CAMSAP2: variants seen among roughly 807,000 people sequenced by gnomAD.
CAMSAP2 encodes calmodulin regulated spectrin associated protein family member 2.
Under a neutral mutation model 146.1 loss-of-function variants are expected in CAMSAP2, and 26 were observed. The observed-to-expected ratio is 0.18, with a 90% CI of 0.13 to 0.25. The LOEUF is 0.25. Among genes scored for constraint, CAMSAP2 ranks in the 10% least tolerant of loss-of-function variants. CAMSAP2 has a pLI of 1.00. For missense variants in CAMSAP2, 1,381 were observed against 1,759.3 expected (o/e 0.78, Z 3.85); for synonymous variants, 499 against 596.6 (o/e 0.84, Z 2.38).
chr1:200,810,919 G>T (rs1666312933), intron 3 of CAMSAP2, among the ~76,000 whole-genome samples: 1 of 151,988 alleles, frequency 6.6e-6, no homozygotes, highest in Non-Finnish European at 1.5e-5. Context: ...ACTTGCTCTA[G>T]TGTCTTCCAT....
At chr1:200,740,009 G>T in intron 1 of CAMSAP2, 43 bp downstream of exon 1, 1 of 1,601,174 alleles carries the variant, frequency 6.2e-7, no homozygotes, top group Non-Finnish European at 8.5e-7. Context: ...CTCCTGATGT[G>T]GTCCACATCT....
intron 4 of CAMSAP2, among the ~76,000 whole-genome samples, chr1:200,831,634 T>G (rs1667046136): frequency 6.6e-6 from 1 of 151,810 alleles, no homozygotes; most frequent in Non-Finnish European, 1.5e-5. Flanking sequence ...GGAAGGGTTT[T>G]TTTTTTTTTC....
At chr1:200,805,927 T>C (rs1296999622) in intron 2 of CAMSAP2, among the ~76,000 whole-genome samples, 1 of 152,182 alleles carries the variant, frequency 6.6e-6, no homozygotes, top group Non-Finnish European at 1.5e-5. Context: ...TGATGCAATC[T>C]CCGATTTGGA....
rs773302773 is a variant in CAMSAP2, at chr1:200,842,095, A to G, written c.1021+8A>G. 27 of 1,603,762 alleles carry G rather than the reference A, an allele frequency of 1.7e-5. No homozygotes were observed. The highest frequency in any genetic ancestry group is 4.5e-5 in the East Asian group (2 of 44,778). ...TTGTTCGTCCACAAGGAGGTAATCAATCTTTTTAATTTTAAATGTTCCTAT... is the reference window on the plus strand; with the variant it reads ...TTGTTCGTCCACAAGGAGGTAATCAGTCTTTTTAATTTTAAATGTTCCTAT... On this transcript the variant is annotated splice_region_variant and intron_variant, in intron 7 of 16. Transcript: ENST00000358823.
Position 200,847,649 on chromosome 1 carries a change from G to C in CAMSAP2, c.1202G>C (p.Arg401Thr). ...TTTTTTGCATTTGAAGGAGGAATTA[G>C]AAGGTCTTCATCTATGTCTTATGTT... The part of the protein sequence containing the change: ...QAHSSASGGI[R>T]RSSSMSYVDG... The change falls in exon 10 of 17, where the codon AGA becomes ACA. Residue 401 changes from arginine (R) to threonine (T), a missense_variant. This residue lies in a region of CAMSAP2 where 447 missense variants were observed against 462.2 expected (regional missense o/e 0.97). Coordinates refer to ENST00000358823, the MANE Select transcript of CAMSAP2 (RefSeq NM_203459.4). 6.2e-7 allele frequency: 1 copy of C among 1,610,802 alleles called. No homozygotes were observed. The highest frequency in any genetic ancestry group is 8.5e-7 in the Non-Finnish European group (1 of 1,178,786).
chr1:200,795,054 GAGTTGGGATTAAACCTAGGTACTC>G (rs1306904990), intron 2 of CAMSAP2, among the ~76,000 whole-genome samples: 12 of 152,338 alleles, frequency 7.9e-5, no homozygotes, highest in African/African-American at 2.9e-4. Context: ...GTAAGTGGCA[GAGTTGGGATTAAACCTAGGTACTC>G]TGCTTAAATG....
At position 200,760,929 on chromosome 1, in the gene CAMSAP2, C is replaced by T. The variant is rs1390951235; in HGVS notation, c.230C>T (p.Ser77Leu). Residue 77 changes from serine to leucine, a missense_variant, in exon 2 of 17, where the codon TCG (serine) becomes TTG (leucine). Transcript: ENST00000358823. ...IKPPVVNLLLSAELYCRAGSL... is the reference protein window; with the variant it reads ...IKPPVVNLLLLAELYCRAGSL... ...CCACCTGTTGTTAATTTGCTTCTAT[C>T]GGCTGAACTATACTGTCGTGCTGGG... 3 of 1,614,098 alleles carry T rather than the reference C, an allele frequency of 1.9e-6. No homozygotes were observed. The highest frequency in any genetic ancestry group is 2.5e-6 in the Non-Finnish European group (3 of 1,180,010).
chr1:200,777,543 T>C (rs1017197154), intron 2 of CAMSAP2, among the ~76,000 whole-genome samples: 2 of 152,176 alleles, frequency 1.3e-5, no homozygotes, highest in Non-Finnish European at 2.9e-5. Flanking sequence ...AACACTTTTA[T>C]CTCTTTAAGT....
At chr1:200,750,316 G>C (rs1332478559) in intron 1 of CAMSAP2, among the ~76,000 whole-genome samples, 1 of 152,078 alleles carries the variant, frequency 6.6e-6, no homozygotes, top group Non-Finnish European at 1.5e-5. Flanking sequence ...TGACTCCTAG[G>C]TTTCTGACTT....
chr1:200,814,479 G>A (rs569113677), intron 3 of CAMSAP2, among the ~76,000 whole-genome samples: 187 of 151,498 alleles, frequency 1.2e-3, no homozygotes, highest in African/African-American at 4.2e-3. Context: ...GCATGATGGC[G>A]GGCGCCTGTA....
chr1:200,780,685 C>G (rs963756755), intron 2 of CAMSAP2, among the ~76,000 whole-genome samples: 3 of 152,152 alleles, frequency 2.0e-5, no homozygotes, highest in Non-Finnish European at 4.4e-5. Flanking sequence ...TGGGTGACTT[C>G]TAGATACCTG....
At chr1:200,747,986 C>CAAAA (rs901478330) in intron 1 of CAMSAP2, among the ~76,000 whole-genome samples, 117 of 68,782 alleles carry the variant, frequency 1.7e-3, no homozygotes, top group African/African-American at 5.3e-3. Context: ...GACTCCGTCT[C>CAAAA]AAAAAAAAAA....
intron 4 of CAMSAP2, among the ~76,000 whole-genome samples, chr1:200,817,163 C>CAT (rs1372017217): frequency 2.7e-5 from 2 of 75,438 alleles, no homozygotes; most frequent in Non-Finnish European, 4.9e-5. Flanking sequence ...CACATACACA[C>CAT]ACGTGTGTGT....
intron 2 of CAMSAP2, among the ~76,000 whole-genome samples, chr1:200,770,032 A>G (rs1665072119): frequency 6.6e-6 from 1 of 152,198 alleles, no homozygotes; most frequent in South Asian, 2.1e-4. Flanking sequence ...ATGGAAAGCA[A>G]TATATATCAT....
chr1:200,839,493 G>A (rs1667262838), intron 6 of CAMSAP2, among the ~76,000 whole-genome samples: 1 of 152,138 alleles, frequency 6.6e-6, no homozygotes, highest in African/African-American at 2.4e-5. Flanking sequence ...CTGTTGACAG[G>A]GGAAGGATAC....
At position 200,807,549 on chromosome 1, in the gene CAMSAP2, C is replaced by A; in HGVS notation, c.561+12C>A. On this transcript the variant is annotated intron_variant, in intron 3 of 16. Transcript: ENST00000358823. Reference sequence around the variant, plus strand: ...ACTGGATAAATAAGGTAGGATTATACTCACTTGAGTAAATCGCATCTCATA... The same window carrying A: ...ACTGGATAAATAAGGTAGGATTATAATCACTTGAGTAAATCGCATCTCATA... 1 of 1,556,258 alleles carries A rather than the reference C, an allele frequency of 6.4e-7. No homozygotes were observed. Among genetic ancestry groups the A allele is most frequent in the Non-Finnish European group, 8.7e-7 (1 of 1,147,908 alleles).
intron 4 of CAMSAP2, among the ~76,000 whole-genome samples, chr1:200,817,901 A>G (rs1461107030): frequency 1.3e-5 from 2 of 151,974 alleles, no homozygotes; most frequent in Non-Finnish European, 2.9e-5. Flanking sequence ...TTTCCCCATC[A>G]CCCCAGATTA....
chr1:200,832,177 C>T lies in CAMSAP2; in HGVS notation c.646-23C>T, dbSNP rs1667059121. 1.3e-6 allele frequency: 2 copies of T among 1,576,296 alleles called. No homozygotes were observed. The highest frequency in any genetic ancestry group is 1.4e-5 in the African/African-American group (1 of 72,472). Reference sequence around the variant, plus strand: ...GCGTTATTTGGTACTTATTTATTTTCATGTATTTTTTTTATATCGTAGGCT... The same window carrying T: ...GCGTTATTTGGTACTTATTTATTTTTATGTATTTTTTTTATATCGTAGGCT... On this transcript the variant is annotated intron_variant, in intron 4 of 16. Transcript: ENST00000358823. This position sits in a 1 kb window ranked among gnomAD's most constrained non-coding sequence, Gnocchi z 4.2.
chr1:200,852,815 T>A, intron 12 of CAMSAP2, 138 bp downstream of exon 12: 1 of 882,164 alleles, frequency 1.1e-6, no homozygotes, highest in Non-Finnish European at 1.6e-6. Flanking sequence ...AAGTTTGTAG[T>A]ATAGATAGAC....
Sources: allele counts gnomAD v4.1 joint callset (sites outside exome capture counted in the v4.1 genomes callset), GRCh38; gene constraint gnomAD v4.1.1; regional missense constraint gnomAD v4.1.1; non-coding constraint Gnocchi (gnomAD v3.1); transcripts MANE v1.5; gene names NCBI Gene and HGNC (gene_info 2026-07-23, HGNC 2026-07-21).